SV2B: variants seen among roughly 807,000 people sequenced by gnomAD.
SV2B encodes the protein solute carrier family 22 member B2.
In SV2B, 41 loss-of-function variants were observed where a neutral mutation model predicts 73.9. That is an observed-to-expected ratio of 0.56 (90% confidence interval 0.43 to 0.72). SV2B has a LOEUF of 0.72. SV2B is among the 30% of genes least tolerant of loss of function. SV2B has a pLI of 0.00. For missense variants in SV2B, 764 were observed against 857.8 expected (o/e 0.89, Z 1.37); for synonymous variants, 314 against 314.2 (o/e 1.00, Z 0.01).
chr15:91,287,150 C>A (rs1281720793), intron 11 of SV2B, among the ~76,000 whole-genome samples: 1 of 152,220 alleles, frequency 6.6e-6, no homozygotes, highest in African/African-American at 2.4e-5. Flanking sequence ...AGCCCTACCA[C>A]TTCCCAAAGT....
At position 91,258,970 on chromosome 15, in the gene SV2B, C is replaced by G. The variant is rs2047808937; in HGVS notation, c.918+416C>G. Among the ~76,000 whole-genome samples, 1 of 151,448 alleles carries G rather than the reference C, an allele frequency of 6.6e-6. No individual in the cohort carries two copies. The highest frequency in any genetic ancestry group is 2.4e-5 in the African/African-American group (1 of 41,208). On this transcript the variant is annotated intron_variant, in intron 5 of 12. Coordinates refer to ENST00000394232, the MANE Select transcript of SV2B (RefSeq NM_001323032.3). The surrounding 1 kb of genome is among the most constrained non-coding windows in gnomAD (Gnocchi z 4.7). Reference sequence around the variant, plus strand: ...AGTTGAGCGATTTGGTGCGTGCATGCCTGTGGTCCCATCTACTTGGGAGGC... The same window carrying G: ...AGTTGAGCGATTTGGTGCGTGCATGGCTGTGGTCCCATCTACTTGGGAGGC...
intron 9 of SV2B, among the ~76,000 whole-genome samples, chr15:91,271,572 CAT>C (rs1276475723): frequency 1.3e-5 from 2 of 152,240 alleles, no homozygotes; most frequent in East Asian, 1.9e-4. Flanking sequence ...TCATATGGTA[CAT>C]GTTTTTTAAC....
intron 1 of SV2B, among the ~76,000 whole-genome samples, chr15:91,198,152 C>T (rs559512864): frequency 6.6e-6 from 1 of 152,212 alleles, no homozygotes; most frequent in South Asian, 2.1e-4. Context: ...AAGTCTGCCC[C>T]GGTGCTTCAA....
At chr15:91,178,065 C>A (rs2044391193) in intron 1 of SV2B, among the ~76,000 whole-genome samples, 1 of 151,734 alleles carries the variant, frequency 6.6e-6, no homozygotes, top group African/African-American at 2.4e-5. Flanking sequence ...GAGATACATC[C>A]CATCAATACC....
At chr15:91,266,792 G>A (rs1368984448) in intron 7 of SV2B, 100 bp downstream of exon 7, 1 of 974,448 alleles carries the variant, frequency 1.0e-6, no homozygotes, top group Non-Finnish European at 1.5e-6. Context: ...CACCAACCTG[G>A]GCCAGCGTGA....
At chr15:91,162,634 G>A (rs1287192405) in intron 1 of SV2B, among the ~76,000 whole-genome samples, 1 of 152,178 alleles carries the variant, frequency 6.6e-6, no homozygotes, top group Non-Finnish European at 1.5e-5. Context: ...GTTGGACTGA[G>A]TTCTTATCTG....
At chr15:91,185,627 A>G (rs2044741224) in intron 1 of SV2B, among the ~76,000 whole-genome samples, 1 of 152,188 alleles carries the variant, frequency 6.6e-6, no homozygotes, top group South Asian at 2.1e-4. Flanking sequence ...TCCTGGAGAA[A>G]ATAGTACTGG....
intron 1 of SV2B, among the ~76,000 whole-genome samples, chr15:91,161,852 G>C (rs947040971): frequency 2.0e-4 from 31 of 152,158 alleles, no homozygotes; most frequent in Non-Finnish European, 3.1e-4. Flanking sequence ...ATACTTCAAA[G>C]TACTCTGTGT....
chr15:91,286,343 T>A (rs1390259729), intron 11 of SV2B, among the ~76,000 whole-genome samples: 1 of 152,238 alleles, frequency 6.6e-6, no homozygotes, highest in African/African-American at 2.4e-5. Flanking sequence ...TTGTTCTGCT[T>A]AATCTGCTGG....
chr15:91,226,105 A>G lies in SV2B; in HGVS notation c.-159A>G, dbSNP rs1034605530. 17 of 662,106 alleles carry G rather than the reference A, an allele frequency of 2.6e-5. No homozygotes were observed. The highest frequency in any genetic ancestry group is 3.7e-5 in the Non-Finnish European group (15 of 401,300). The allele number at this position is 662,106 out of a possible 1,614,324, so 41.0% of individuals were successfully genotyped here. ...CAAATCTGGTTGATTTGAGAGATAA[A>G]GGGGGGGGGAACCAGTGTGACTTTC... On this transcript the variant is annotated 5_prime_UTR_variant, in exon 2 of 13. Coordinates refer to ENST00000394232, the MANE Select transcript of SV2B (RefSeq NM_001323032.3).
intron 9 of SV2B, among the ~76,000 whole-genome samples, chr15:91,270,841 G>GGGGGATGGTGAATCCTGTGGATGATGA (rs2048275135): frequency 8.5e-6 from 1 of 117,104 alleles, no homozygotes; most frequent in Non-Finnish European, 1.9e-5. Context: ...GTGGATGATG[G>GGGGGATGGTGAATCCTGTGGATGATGA]GGGGACGGTG....
chr15:91,153,098 G>A (rs1351880029), intron 1 of SV2B, among the ~76,000 whole-genome samples: 1 of 152,112 alleles, frequency 6.6e-6, no homozygotes, highest in East Asian at 1.9e-4. Context: ...TGAATGCTCT[G>A]TCCTTATATG....
At position 91,122,001 on chromosome 15, in the gene SV2B, C is replaced by T. The variant is rs1040287556; in HGVS notation, c.-392+21638C>T. Among the ~76,000 whole-genome samples the T allele has an allele frequency of 5.3e-5, 8 of 152,098 alleles. No homozygotes were observed. The highest frequency in any genetic ancestry group is 1.9e-4 in the African/African-American group (8 of 41,402). On this transcript the variant is annotated intron_variant, in intron 1 of 12. Transcript: ENST00000394232. The surrounding 1 kb of genome is among the most constrained non-coding windows in gnomAD (Gnocchi z 4.3). ...ATGTTAGCCAGGATGGTCTCGATCT[C>T]CTGACTTCATGATTCGCCTGCCTTG...
intron 1 of SV2B, among the ~76,000 whole-genome samples, chr15:91,190,254 A>T (rs2044956542): frequency 6.6e-6 from 1 of 152,076 alleles, no homozygotes; most frequent in Admixed American, 6.6e-5. Flanking sequence ...TTGGATTATT[A>T]CATCTATATG....
At chr15:91,246,723 C>A (rs1160839247) in intron 2 of SV2B, among the ~76,000 whole-genome samples, 2 of 149,526 alleles carry the variant, frequency 1.3e-5, no homozygotes, top group East Asian at 1.9e-4. Context: ...ACCTCCTCCT[C>A]CTCCTCCTCC....
intron 2 of SV2B, among the ~76,000 whole-genome samples, chr15:91,249,625 C>A (rs1215750735): frequency 6.6e-6 from 1 of 151,942 alleles, no homozygotes; most frequent in African/African-American, 2.4e-5. Context: ...AGACTTTTAG[C>A]TAGACTAAGG....
intron 1 of SV2B, among the ~76,000 whole-genome samples, chr15:91,152,166 G>A (rs9672512): frequency 0.13 from 20,134 of 151,072 alleles, 1,942 homozygotes; most frequent in African/African-American, 0.27. Flanking sequence ...GGACCCAAGC[G>A]GGTTGCCCAG....
In SV2B at chr15:91,289,390, AC is replaced by A. The variant is rs2048966422; in HGVS notation, c.1709-129del. The A allele has an allele frequency of 8.7e-7, 1 of 1,154,066 alleles. No individual in the cohort carries two copies. The highest frequency in any genetic ancestry group is 1.5e-5 in the African/African-American group (1 of 65,582). The allele number at this position is 1,154,066 out of a possible 1,614,324, so 71.5% of individuals were successfully genotyped here. A position where few individuals can be genotyped will look rare whatever the true frequency, so the allele number is the denominator to read the frequency against. ...TGTGCTCTCTCTGTGTGGAGGGTGAACCTAATACTTCAGGCAGCCTTGGCTT... is the reference window on the plus strand; with the variant it reads ...TGTGCTCTCTCTGTGTGGAGGGTGAACTAATACTTCAGGCAGCCTTGGCTT... On this transcript the variant is annotated intron_variant, in intron 11 of 12. Transcript: ENST00000394232. This position sits in a 1 kb window ranked among gnomAD's most constrained non-coding sequence, Gnocchi z 4.9.
Position 91,252,491 on chromosome 15 carries a change from C to T in SV2B, c.755C>T (p.Ala252Val), listed in dbSNP as rs759308630. 2.5e-5 allele frequency: 41 copies of T among 1,612,394 alleles called. No homozygotes were observed. Among genetic ancestry groups the T allele is most frequent in the Non-Finnish European group, 3.1e-5 (36 of 1,179,184 alleles). ...ATGACTGGGGGCCTGTACGCATCTGCCATGGCCTGGAGCATCATCCCACAC... is the reference window on the plus strand; with the variant it reads ...ATGACTGGGGGCCTGTACGCATCTGTCATGGCCTGGAGCATCATCCCACAC... ...FWMTGGLYAS[A>V]MAWSIIPHYG... Residue 252 changes from alanine (A) to valine (V), a missense_variant, in exon 4 of 13, where the codon GCC becomes GTC. By Grantham distance (64) the Ala-to-Val change is moderately conservative (BLOSUM62 0). Transcript: ENST00000394232. This position sits in a 1 kb window ranked among gnomAD's most constrained non-coding sequence, Gnocchi z 4.6.
Sources: allele counts gnomAD v4.1 joint callset (sites outside exome capture counted in the v4.1 genomes callset), GRCh38; gene constraint gnomAD v4.1.1; non-coding constraint Gnocchi (gnomAD v3.1); transcripts MANE v1.5; gene names NCBI Gene and HGNC (gene_info 2026-07-23, HGNC 2026-07-21).